CTNNA3: variants seen among roughly 807,000 people sequenced by gnomAD.
The protein encoded by CTNNA3 is catenin alpha-3.
Under a neutral mutation model 95.7 loss-of-function variants are expected in CTNNA3, and 76 were observed. The ratio of observed to expected loss-of-function variants is 0.79; its 90% confidence interval spans 0.66 to 0.96. CTNNA3 has a LOEUF of 0.96. CTNNA3 is among the 40% of genes least tolerant of loss of function. The pLI, the probability that CTNNA3 is intolerant of heterozygous loss-of-function variation, is 0.00. For missense variants in CTNNA3, 1,191 were observed against 1,089.8 expected (o/e 1.09, Z -1.31); for synonymous variants, 431 against 374.4 (o/e 1.15, Z -1.74).
intron 7 of CTNNA3, among the ~76,000 whole-genome samples, chr10:67,171,035 C>A (rs555589879): frequency 6.6e-6 from 1 of 152,122 alleles, no homozygotes; most frequent in Non-Finnish European, 1.5e-5. Context: ...ATTAATTTCA[C>A]CTGTTCCTTT....
intron 5 of CTNNA3, among the ~76,000 whole-genome samples, chr10:67,391,145 A>T (rs1191524599): frequency 6.6e-6 from 1 of 152,084 alleles, no homozygotes; most frequent in Admixed American, 6.5e-5. Context: ...ATGATTGTAT[A>T]TCTAGAAACC....
At chr10:66,971,446 T>G (rs1849721154) in intron 7 of CTNNA3, among the ~76,000 whole-genome samples, 1 of 151,946 alleles carries the variant, frequency 6.6e-6, no homozygotes, top group Admixed American at 6.6e-5. Flanking sequence ...AATACATACA[T>G]ACATACATAA....
intron 7 of CTNNA3, among the ~76,000 whole-genome samples, chr10:66,903,279 T>C (rs1009599186): frequency 6.6e-6 from 1 of 151,892 alleles, no homozygotes; most frequent in Non-Finnish European, 1.5e-5. Flanking sequence ...ACAAAAAACA[T>C]ACAATTATCT....
chr10:66,178,660 C>T (rs377050466), intron 13 of CTNNA3, among the ~76,000 whole-genome samples: 6 of 151,324 alleles, frequency 4.0e-5, no homozygotes, highest in African/African-American at 1.4e-4. Flanking sequence ...TATTTAAAAA[C>T]CACAACATCA....
chr10:67,377,475 C>T (rs1340359459), intron 5 of CTNNA3, among the ~76,000 whole-genome samples: 1 of 152,154 alleles, frequency 6.6e-6, no homozygotes, highest in Non-Finnish European at 1.5e-5. Flanking sequence ...CATCCTAATA[C>T]TTTCCAAATA....
intron 13 of CTNNA3, among the ~76,000 whole-genome samples, chr10:66,265,434 C>T (rs1391633439): frequency 1.3e-5 from 2 of 151,944 alleles, no homozygotes; most frequent in Non-Finnish European, 2.9e-5. Context: ...TCATGCCCCT[C>T]CCCTGTTAAA....
At chr10:67,277,839 T>C (rs992042289) in intron 5 of CTNNA3, among the ~76,000 whole-genome samples, 1 of 152,152 alleles carries the variant, frequency 6.6e-6, no homozygotes, top group East Asian at 1.9e-4. Context: ...CACTGTCTGG[T>C]TTAAAAAGAG....
chr10:66,682,918 T>C (rs1847119034), intron 9 of CTNNA3, among the ~76,000 whole-genome samples: 1 of 152,108 alleles, frequency 6.6e-6, no homozygotes, highest in East Asian at 1.9e-4. Flanking sequence ...AAAATGGAGG[T>C]CATGAAAATA....
intron 7 of CTNNA3, among the ~76,000 whole-genome samples, chr10:67,137,859 C>T (rs532602224): frequency 1.8e-4 from 27 of 151,858 alleles, no homozygotes; most frequent in African/African-American, 6.5e-4. Flanking sequence ...TATGAGTTAT[C>T]ATGACATGCA....
chr10:67,398,406 G>T (rs1395165447), intron 5 of CTNNA3, among the ~76,000 whole-genome samples: 1 of 152,168 alleles, frequency 6.6e-6, no homozygotes, highest in Non-Finnish European at 1.5e-5. Flanking sequence ...TGCCCACTTG[G>T]AACAGGTGTA....
Position 66,657,898 on chromosome 10 carries a change from G to A in CTNNA3, c.1282-36114C>T, listed in dbSNP as rs972364851. ...GAATTTTGAGAGGGAAATCGAACAT[G>A]GAAATATCACAGCTGAAATATTTAC... On this transcript the variant is annotated intron_variant, in intron 9 of 17. Coordinates refer to ENST00000433211, the MANE Select transcript of CTNNA3 (RefSeq NM_013266.4). Among the ~76,000 whole-genome samples, 10 of 152,218 alleles carry A rather than the reference G, an allele frequency of 6.6e-5. No individual in the cohort carries two copies. The East Asian group carries it at 1.9e-3, about 29-fold the overall frequency.
chr10:66,106,979 A>G (rs2081938795), intron 13 of CTNNA3, among the ~76,000 whole-genome samples: 1 of 152,182 alleles, frequency 6.6e-6, no homozygotes, highest in South Asian at 2.1e-4. Context: ...TAATATAATT[A>G]CCCATGCACT....
In CTNNA3 at chr10:65,920,323, AGT is replaced by A; in HGVS notation, c.*5_*6del. On this transcript the variant is annotated 3_prime_UTR_variant, in exon 18 of 18. Coordinates refer to ENST00000433211, the MANE Select transcript of CTNNA3 (RefSeq NM_013266.4). ...GTCATATAGGCACTATATGTAGAAT[AGT>A]GGTTTCAGTAGATTTGTCTTCCTCT... 2 of 1,611,400 alleles carry A rather than the reference AGT, an allele frequency of 1.2e-6. No individual in the cohort carries two copies. Among genetic ancestry groups the A allele is most frequent in the Non-Finnish European group, 1.7e-6 (2 of 1,178,390 alleles).
At chr10:66,894,352 C>G (rs1264591876) in intron 7 of CTNNA3, among the ~76,000 whole-genome samples, 4 of 152,020 alleles carry the variant, frequency 2.6e-5, no homozygotes, top group Admixed American at 2.0e-4. Flanking sequence ...CCCTGATTTT[C>G]TGTTTCTTTA....
At chr10:66,508,949 G>A (rs970924807) in intron 11 of CTNNA3, among the ~76,000 whole-genome samples, 3 of 151,972 alleles carry the variant, frequency 2.0e-5, no homozygotes, top group African/African-American at 7.2e-5. Context: ...GCAGTTTTTT[G>A]AGGAACCTCC....
intron 17 of CTNNA3, among the ~76,000 whole-genome samples, chr10:65,929,460 A>G (rs1322456845): frequency 6.6e-6 from 1 of 152,222 alleles, no homozygotes; most frequent in Non-Finnish European, 1.5e-5. Flanking sequence ...TAATTACAAT[A>G]CAAATACATT....
intron 13 of CTNNA3, among the ~76,000 whole-genome samples, chr10:66,235,404 A>G (rs1008589094): frequency 1.9e-4 from 28 of 151,166 alleles, no homozygotes; most frequent in Admixed American, 1.7e-3. Flanking sequence ...TCTATTACAT[A>G]TAAGATATAA....
chr10:67,256,975 TA>T (rs1237935053), intron 5 of CTNNA3, among the ~76,000 whole-genome samples: 1 of 150,876 alleles, frequency 6.6e-6, no homozygotes, highest in Non-Finnish European at 1.5e-5. Context: ...TTCCTTTAAA[TA>T]AAAAAATGCA....
chr10:66,255,573 C>G (rs957403395), intron 13 of CTNNA3, among the ~76,000 whole-genome samples: 1 of 152,082 alleles, frequency 6.6e-6, no homozygotes, highest in Non-Finnish European at 1.5e-5. Flanking sequence ...CTCTCACACT[C>G]TCCTCATCCT....
Sources: gnomAD v4.1 joint callset for allele counts (sites outside exome capture counted in the v4.1 genomes callset) on GRCh38, gnomAD v4.1.1 for gene constraint, MANE v1.5 for transcripts, NCBI Gene and HGNC (gene_info 2026-07-23, HGNC 2026-07-21) for gene names.